Variants in ERBB4 observed in about 807,000 individuals in gnomAD.
ERBB4 encodes erb-b2 receptor tyrosine kinase 4.
ERBB4 carries 42 observed loss-of-function variants against 158.0 expected under a neutral mutation model. The observed-to-expected ratio is 0.27, with a 90% CI of 0.21 to 0.34. The LOEUF is 0.34. ERBB4 is among the 10% of genes least tolerant of loss of function. ERBB4 has a pLI of 1.00. For synonymous variants in ERBB4, 583 were observed against 558.7 expected (o/e 1.04, Z -0.61); for missense variants, 1,333 against 1,624.1 (o/e 0.82, Z 3.08).
rs143304530 is a variant in ERBB4, at chr2:211,534,750, G to A, written c.2487+27153C>T. On this transcript the variant is annotated intron_variant, in intron 20 of 27. Transcript: ENST00000342788. ...GGAGGAAAATACATGACTAGACTGA[G>A]CCCTGCTGCATACTGAGAGGTAATT... Among the ~76,000 whole-genome samples the A allele has an allele frequency of 2.5e-4, 38 of 152,202 alleles. No individual in the cohort carries two copies. In the East Asian group the frequency reaches 5.4e-3, roughly 22 times the overall value.
At chr2:212,047,372 G>A (rs916090888) in intron 2 of ERBB4, among the ~76,000 whole-genome samples, 5 of 152,166 alleles carry the variant, frequency 3.3e-5, no homozygotes, top group Non-Finnish European at 4.4e-5. Flanking sequence ...TATGTTTCAC[G>A]AAAATAACAC....
intron 17 of ERBB4, 38 bp from the exon 18 acceptor site, chr2:211,624,082 G>A (rs757541107): frequency 9.3e-6 from 15 of 1,612,974 alleles, no homozygotes; most frequent in Admixed American, 1.7e-5. Flanking sequence ...CTTTCAGTCC[G>A]ATAGTCAGTC....
At chr2:212,174,895 T>C (rs1396130918) in intron 1 of ERBB4, among the ~76,000 whole-genome samples, 1 of 152,078 alleles carries the variant, frequency 6.6e-6, no homozygotes, top group Admixed American at 6.6e-5. Flanking sequence ...TATAATTCGA[T>C]CTAAGTCTAC....
At chr2:211,876,000 A>G (rs986469092) in intron 3 of ERBB4, among the ~76,000 whole-genome samples, 11 of 152,144 alleles carry the variant, frequency 7.2e-5, no homozygotes, top group Admixed American at 7.2e-4. Context: ...ATGAAATCAC[A>G]TAACAACACA....
intron 20 of ERBB4, among the ~76,000 whole-genome samples, chr2:211,481,803 A>G (rs1485301628): frequency 6.6e-6 from 1 of 152,178 alleles, no homozygotes; most frequent in African/African-American, 2.4e-5. Context: ...AAAATCCACC[A>G]TAGTTTTAGG....
At chr2:211,435,331 A>C (rs934605778) in intron 20 of ERBB4, among the ~76,000 whole-genome samples, 1 of 152,178 alleles carries the variant, frequency 6.6e-6, no homozygotes, top group Non-Finnish European at 1.5e-5. Context: ...TTGACCCAGT[A>C]CTTAGAACAC....
At chr2:212,446,591 G>GTATGTATATATATATATATATATATA (rs1303302858) in intron 1 of ERBB4, among the ~76,000 whole-genome samples, 1 of 27,518 alleles carries the variant, frequency 3.6e-5, no homozygotes, top group Non-Finnish European at 5.9e-5. Flanking sequence ...ATATATATAT[G>GTATGTATATATATATATATATATATA]TATATATATA....
intron 3 of ERBB4, among the ~76,000 whole-genome samples, chr2:211,862,423 A>G (rs2078082801): frequency 6.6e-6 from 1 of 152,122 alleles, no homozygotes; most frequent in African/African-American, 2.4e-5. Flanking sequence ...TTTTTCAAGC[A>G]TTGTCTTAGA....
chr2:211,572,179 T>G (rs11889520), intron 19 of ERBB4, among the ~76,000 whole-genome samples: 130,452 of 152,086 alleles, frequency 0.86, 56,093 homozygotes, highest in East Asian at 0.93. Flanking sequence ...AATTAACATA[T>G]TCTGTTTATG....
chr2:212,081,234 T>C (rs10497958), intron 2 of ERBB4, among the ~76,000 whole-genome samples: 21,526 of 152,090 alleles, frequency 0.14, 1,964 homozygotes, highest in Non-Finnish European at 0.2. Context: ...GGTGTCCCAG[T>C]GATCAACCAA....
chr2:212,485,152 G>T, intron 1 of ERBB4, among the ~76,000 whole-genome samples: 1 of 152,194 alleles, frequency 6.6e-6, no homozygotes, highest in Middle Eastern at 3.2e-3. Context: ...TTTAGTAGCA[G>T]CAAGACTCTG....
chr2:211,484,287 G>C (rs2065151860), intron 20 of ERBB4, among the ~76,000 whole-genome samples: 1 of 152,110 alleles, frequency 6.6e-6, no homozygotes, highest in Non-Finnish European at 1.5e-5. Context: ...CAAGATGGTA[G>C]ATCTAAATCT....
At chr2:212,014,317 T>C (rs1048563149) in intron 2 of ERBB4, among the ~76,000 whole-genome samples, 14 of 152,224 alleles carry the variant, frequency 9.2e-5, no homozygotes, top group Non-Finnish European at 1.8e-4. Flanking sequence ...TAAGGACAAC[T>C]CCATTGCAAA....
intron 1 of ERBB4, among the ~76,000 whole-genome samples, chr2:212,520,808 A>G (rs1459019096): frequency 6.6e-6 from 1 of 151,988 alleles, no homozygotes; most frequent in Non-Finnish European, 1.5e-5. Context: ...CGCCCTTGCC[A>G]TTACTAATAT....
chr2:212,145,290 A>T (rs1360508685), intron 1 of ERBB4, among the ~76,000 whole-genome samples: 3 of 152,304 alleles, frequency 2.0e-5, no homozygotes, highest in African/African-American at 4.8e-5. Context: ...ACATAGCTAG[A>T]CTAGTGGTTG....
chr2:212,121,964 C>T (rs2079763650), intron 2 of ERBB4, among the ~76,000 whole-genome samples: 4 of 151,874 alleles, frequency 2.6e-5, no homozygotes, highest in Admixed American at 2.6e-4. Flanking sequence ...ATGCACTCCA[C>T]CCCTACCATT....
chr2:212,149,162 T>A (rs777288602), intron 1 of ERBB4, among the ~76,000 whole-genome samples: 1 of 106,536 alleles, frequency 9.4e-6, no homozygotes, highest in Non-Finnish European at 2.0e-5. Flanking sequence ...ACTTAAAATA[T>A]AATAATTAAA....
At chr2:211,728,116 T>C (rs2074323378) in intron 5 of ERBB4, among the ~76,000 whole-genome samples, 1 of 151,882 alleles carries the variant, frequency 6.6e-6, no homozygotes, top group African/African-American at 2.4e-5. Context: ...TCTGCCCCTG[T>C]TTAATACTGA....
intron 12 of ERBB4, among the ~76,000 whole-genome samples, 173 bp from the exon 13 acceptor site, chr2:211,679,357 G>A (rs1341168277): frequency 6.6e-6 from 1 of 152,150 alleles, no homozygotes; most frequent in Non-Finnish European, 1.5e-5. Context: ...CTTCTATATT[G>A]CAGAGTCCTA....
Sources: allele counts gnomAD v4.1 joint callset (sites outside exome capture counted in the v4.1 genomes callset), GRCh38; gene constraint gnomAD v4.1.1; transcripts MANE v1.5; gene names NCBI Gene and HGNC (gene_info 2026-07-23, HGNC 2026-07-21).